The following SLC5A8 variants were observed in gnomAD, a reference collection of about 807,000 sequenced individuals.
SLC5A8 encodes sodium-coupled monocarboxylate transporter 1.
A neutral mutation model predicts 71.9 loss-of-function variants in SLC5A8; 55 were observed. The ratio of observed to expected loss-of-function variants is 0.77; its 90% CI spans 0.62 to 0.96. SLC5A8 has a LOEUF of 0.96. SLC5A8 is among the 40% of genes least tolerant of loss of function. The pLI, the probability that SLC5A8 is intolerant of heterozygous loss-of-function variation, is 0.00. For missense variants in SLC5A8, 701 were observed against 745.3 expected (o/e 0.94, Z 0.69); for synonymous variants, 307 against 276.1 (o/e 1.11, Z -1.11).
chr12:101,196,833 G>T (rs1709190), intron 3 of SLC5A8, among the ~76,000 whole-genome samples: 31,808 of 152,096 alleles, frequency 0.21, 3,845 homozygotes, highest in East Asian at 0.53. Context: ...AAAATCAACA[G>T]AGGAAATTTA....
In SLC5A8 at chr12:101,207,067, A is replaced by G. The variant is rs978947037; in HGVS notation, c.351+2431T>C. ...ACCTCTCAGCATAAAACAATAAACA[A>G]TATACTCCACAGGAAAGTCTTTGCC... On this transcript the variant is annotated intron_variant, in intron 1 of 14. Transcript: ENST00000536262. Among the ~76,000 whole-genome samples, 14 of 152,206 alleles carry G rather than the reference A, an allele frequency of 9.2e-5. 1 individual carries two copies. Among genetic ancestry groups the G allele is most frequent in the Admixed American group, 7.2e-4 (11 of 15,292 alleles).
chr12:101,185,586 G>A (rs893846754), intron 7 of SLC5A8, among the ~76,000 whole-genome samples: 3 of 151,600 alleles, frequency 2.0e-5, no homozygotes, highest in African/African-American at 7.3e-5. Context: ...TGTATTTTTT[G>A]TTTGTTTGTT....
chr12:101,192,339 G>A (rs1365834034), intron 5 of SLC5A8, among the ~76,000 whole-genome samples: 2 of 152,178 alleles, frequency 1.3e-5, no homozygotes, highest in African/African-American at 4.8e-5. Context: ...TCCAATTTCT[G>A]AAAAAGCTTT....
In SLC5A8 at chr12:101,168,164, C is replaced by G; in HGVS notation, c.1252G>C (p.Gly418Arg). 2 of 1,607,546 alleles carry G rather than the reference C, an allele frequency of 1.2e-6. No individual in the cohort carries two copies. Among genetic ancestry groups the G allele is most frequent in the Admixed American group, 1.7e-5 (1 of 59,324 alleles). The change falls in exon 11 of 15, where the codon GGT (glycine) becomes CGT (arginine). Residue 418 changes from glycine (G) to arginine (R), a missense_variant. Coordinates refer to ENST00000536262, the MANE Select transcript of SLC5A8 (RefSeq NM_145913.5). ...CCCATAAGTGGTCCACCAACCATAC[C>G]AAATACGCTGAGTGCTGCCTACAAA... ...ALLQAALSVF[G>R]MVGGPLMGLF...
Position 101,187,088 on chromosome 12 carries a change from AAAC to A in SLC5A8, c.963+295_963+297del, listed in dbSNP as rs961396749. Among the ~76,000 whole-genome samples, 79 of 152,276 alleles carry A rather than the reference AAAC, an allele frequency of 5.2e-4. 2 individuals are homozygous for A. Among genetic ancestry groups the A allele is most frequent in the Middle Eastern group, 6.8e-3 (2 of 294 alleles). On this transcript the variant is annotated intron_variant, in intron 7 of 14. Coordinates refer to ENST00000536262, the MANE Select transcript of SLC5A8 (RefSeq NM_145913.5). ...TGTGTAGTTTAAAAAACAAACAAAC[AAAC>A]AACAACAACAACAAAAAACTGTGTT...
chr12:101,192,964 CT>C (rs1868981606), intron 5 of SLC5A8, among the ~76,000 whole-genome samples: 1 of 137,782 alleles, frequency 7.3e-6, no homozygotes, highest in Non-Finnish European at 1.5e-5. Flanking sequence ...AAGAGGCTAC[CT>C]TTTCTCTTTT....
intron 10 of SLC5A8, among the ~76,000 whole-genome samples, chr12:101,178,746 A>G (rs2051904434): frequency 6.6e-6 from 1 of 152,116 alleles, no homozygotes; most frequent in Non-Finnish European, 1.5e-5. Flanking sequence ...AGCTGGGGCT[A>G]GGTAAAGTTC....
chr12:101,197,453 G>C (rs1869234589), intron 3 of SLC5A8, among the ~76,000 whole-genome samples: 2 of 152,122 alleles, frequency 1.3e-5, no homozygotes. Context: ...AGTGGAGTCT[G>C]AAAAAGAGTC....
chr12:101,168,540 T>G (rs2051795467), intron 10 of SLC5A8, among the ~76,000 whole-genome samples: 1 of 152,198 alleles, frequency 6.6e-6, no homozygotes, highest in Admixed American at 6.5e-5. Context: ...CCTTTGTGCT[T>G]TGATAATCTC....
intron 9 of SLC5A8, among the ~76,000 whole-genome samples, chr12:101,181,285 A>G (rs150541957): frequency 9.2e-5 from 14 of 152,294 alleles, no homozygotes; most frequent in African/African-American, 3.4e-4. Flanking sequence ...TATTTTCAAT[A>G]TATTTGGTTT....
rs1181988267 is a variant in SLC5A8 at position 101,169,495 on chromosome 12, T to C, written c.1234-1313A>G. 1.3e-5 allele frequency among the ~76,000 whole-genome samples: 2 copies of C among 152,154 alleles called. 1 individual carries two copies. Among genetic ancestry groups the C allele is most frequent in the Non-Finnish European group, 2.9e-5 (2 of 68,038 alleles). On this transcript the variant is annotated intron_variant, in intron 10 of 14. Transcript: ENST00000536262. ...GGATCTAATTCATTCATTCATATAA[T>C]CAGGGATGGGGTCAAACTATTTTAC...
At chr12:101,164,619 C>A (rs1392765600) in intron 12 of SLC5A8, among the ~76,000 whole-genome samples, 1 of 151,844 alleles carries the variant, frequency 6.6e-6, no homozygotes, top group Admixed American at 6.6e-5. Flanking sequence ...TTTCTTCATT[C>A]TGCGACACAC....
At chr12:101,157,452 A>C in intron 14 of SLC5A8, 51 bp from the exon 15 acceptor site, 1 of 1,522,442 alleles carries the variant, frequency 6.6e-7, no homozygotes, top group Non-Finnish European at 8.8e-7. Flanking sequence ...GAAGCTCTTC[A>C]TTCATGTAAT....
At chr12:101,173,161 G>T (rs2051846577) in intron 10 of SLC5A8, among the ~76,000 whole-genome samples, 1 of 152,180 alleles carries the variant, frequency 6.6e-6, no homozygotes, top group Non-Finnish European at 1.5e-5. Context: ...ATAAGGAAAT[G>T]ATCTTATTAT....
chr12:101,166,891 T>C (rs948858158), intron 11 of SLC5A8, among the ~76,000 whole-genome samples, 192 bp from the exon 12 acceptor site: 5 of 151,524 alleles, frequency 3.3e-5, no homozygotes, highest in Non-Finnish European at 7.4e-5. Flanking sequence ...AGTGAATAAA[T>C]GAATGAAAGG....
intron 10 of SLC5A8, among the ~76,000 whole-genome samples, chr12:101,174,884 A>G: frequency 6.6e-6 from 1 of 152,218 alleles, no homozygotes; most frequent in South Asian, 2.1e-4. Context: ...AAGTTTCATC[A>G]CATAATATTG....
intron 13 of SLC5A8, among the ~76,000 whole-genome samples, chr12:101,158,598 C>CTCTCTCTCTCTCTATATATA (rs1411795424): frequency 9.4e-5 from 2 of 21,246 alleles, no homozygotes; most frequent in Non-Finnish European, 1.8e-4. Context: ...CTCTCTCTCT[C>CTCTCTCTCTCTCTATATATA]TATATATATA....
At chr12:101,188,884 T>C (rs968408175) in intron 6 of SLC5A8, among the ~76,000 whole-genome samples, 7 of 152,236 alleles carry the variant, frequency 4.6e-5, no homozygotes, top group Admixed American at 6.5e-5. Flanking sequence ...TATTGTTTTA[T>C]TTCACTTTGA....
intron 10 of SLC5A8, among the ~76,000 whole-genome samples, chr12:101,177,276 TA>T (rs35269919): frequency 6.6e-6 from 1 of 151,558 alleles, no homozygotes; most frequent in Non-Finnish European, 1.5e-5. Flanking sequence ...ATTTTGAAAC[TA>T]AAAAAAATCC....
Sources: gnomAD v4.1 joint callset for allele counts (sites outside exome capture counted in the v4.1 genomes callset) on GRCh38, gnomAD v4.1.1 for gene constraint, MANE v1.5 for transcripts, NCBI Gene and HGNC (gene_info 2026-07-23, HGNC 2026-07-21) for gene names.